Variants in AKAP9 observed in about 807,000 individuals in gnomAD.
The protein encoded by AKAP9 is A-kinase anchor protein 9.
In AKAP9, 311 loss-of-function variants were observed where a neutral mutation model predicts 488.5. The ratio of observed to expected loss-of-function variants is 0.64; its 90% confidence interval spans 0.58 to 0.70. The LOEUF is 0.70. Among genes scored for constraint, AKAP9 ranks in the 30% least tolerant of loss-of-function variants. The pLI is 0.00. For synonymous variants in AKAP9, 1,462 were observed against 1,483.5 expected (o/e 0.99, Z 0.33); for missense variants, 4,215 against 4,374.5 (o/e 0.96, Z 1.03).
At chr7:91,979,500 C>T (rs1256127755) in intron 2 of AKAP9, among the ~76,000 whole-genome samples, 1 of 152,160 alleles carries the variant, frequency 6.6e-6, no homozygotes. Flanking sequence ...GATGGGGGAA[C>T]TCAGCCAAAC....
intron 20 of AKAP9, chr7:92,043,331 A>ATCAGTATGGAACGCAG: frequency 1.0e-6 from 1 of 985,122 alleles, no homozygotes; most frequent in African/African-American, 1.7e-5. Flanking sequence ...CCATTGGATC[A>ATCAGTATGGAACGCAG]TCAGTATGGA....
chr7:91,962,477 G>C (rs1302569466), intron 1 of AKAP9, among the ~76,000 whole-genome samples: 2 of 152,036 alleles, frequency 1.3e-5, no homozygotes, highest in African/African-American at 4.8e-5. Flanking sequence ...AACTGTTTTG[G>C]TTCTCAAGTC....
rs1562959842 is a variant in AKAP9 at position 92,001,779 on chromosome 7, A to C, written c.1862A>C (p.Glu621Ala). 1 of 1,613,544 alleles carries C rather than the reference A, an allele frequency of 6.2e-7. No homozygotes were observed. Among genetic ancestry groups the C allele is most frequent in the Non-Finnish European group, 8.5e-7 (1 of 1,179,772 alleles). The change falls in exon 8 of 50, where the codon GAA becomes GCA. Residue 621 changes from glutamate (E) to alanine (A), a missense_variant. Glu to Ala is a moderately radical substitution (Grantham distance 107, BLOSUM62 -1). Transcript: ENST00000356239. The part of the protein sequence containing the change: ...LDRMAESQEA[E>A]LERLRTQLLF... ...AGAATGGCTGAATCACAAGAAGCTG[A>C]ATTAGAGAGGCTGAGAACACAGCTT...
At chr7:92,081,983 T>G (rs1029691906) in intron 31 of AKAP9, among the ~76,000 whole-genome samples, 1 of 152,216 alleles carries the variant, frequency 6.6e-6, no homozygotes, top group African/African-American at 2.4e-5. Context: ...CTTTTTTTCC[T>G]GGACACAGAG....
chr7:92,007,145 C>T (rs1162838030), intron 8 of AKAP9, among the ~76,000 whole-genome samples: 2 of 152,122 alleles, frequency 1.3e-5, no homozygotes, highest in Non-Finnish European at 1.5e-5. Context: ...TAGCTTTTGT[C>T]ACTTGCTTTT....
intron 37 of AKAP9, 85 bp downstream of exon 37, chr7:92,086,501 G>A: frequency 8.6e-7 from 1 of 1,157,574 alleles, no homozygotes; most frequent in Non-Finnish European, 1.3e-6. Context: ...AAGTATGAAG[G>A]TTAAGATTTT....
At chr7:92,080,850 A>G (rs1013124919) in intron 31 of AKAP9, among the ~76,000 whole-genome samples, 3 of 152,134 alleles carry the variant, frequency 2.0e-5, no homozygotes, top group Non-Finnish European at 4.4e-5. Context: ...TCATTAGCTA[A>G]GAGTTGGCTG....
chr7:92,055,971 T>G (rs1283838002), intron 22 of AKAP9, among the ~76,000 whole-genome samples: 4 of 152,124 alleles, frequency 2.6e-5, no homozygotes, highest in Middle Eastern at 3.4e-3. Context: ...GATTTTTGTT[T>G]TACATGGATG....
intron 12 of AKAP9, among the ~76,000 whole-genome samples, chr7:92,019,651 A>G (rs1441375100): frequency 6.6e-6 from 1 of 150,564 alleles, no homozygotes; most frequent in East Asian, 1.9e-4. Flanking sequence ...ATATATATAT[A>G]TAATATATAC....
At chr7:91,993,659 T>G (rs1242248400) in intron 5 of AKAP9, among the ~76,000 whole-genome samples, 1 of 152,216 alleles carries the variant, frequency 6.6e-6, no homozygotes, top group South Asian at 2.1e-4. Flanking sequence ...ATACATTGCA[T>G]AAACAACCCT....
chr7:91,964,611 AG>A (rs1345822300), intron 1 of AKAP9, among the ~76,000 whole-genome samples: 2 of 152,158 alleles, frequency 1.3e-5, no homozygotes, highest in African/African-American at 4.8e-5. Flanking sequence ...ATAAAAAAAT[AG>A]AAAGAGAAAA....
At chr7:92,061,130 T>C in intron 22 of AKAP9, 130 bp from the exon 23 acceptor site, 1 of 1,063,204 alleles carries the variant, frequency 9.4e-7, no homozygotes, top group East Asian at 2.7e-5. Context: ...ACACTGGCAA[T>C]ATCTAAATGA....
chr7:91,960,005 T>C (rs1465642162), intron 1 of AKAP9, among the ~76,000 whole-genome samples: 1 of 152,252 alleles, frequency 6.6e-6, no homozygotes, highest in Non-Finnish European at 1.5e-5. Flanking sequence ...CTAGTTAGGC[T>C]ACTGGAGTTT....
intron 12 of AKAP9, among the ~76,000 whole-genome samples, chr7:92,019,814 C>T (rs1802068895): frequency 6.6e-6 from 1 of 151,780 alleles, no homozygotes; most frequent in South Asian, 2.1e-4. Context: ...TGGAGACCAG[C>T]CTGGCCAACA....
intron 42 of AKAP9, 51 bp from the exon 43 acceptor site, chr7:92,098,058 A>G: frequency 4.0e-6 from 5 of 1,240,232 alleles, no homozygotes; most frequent in Non-Finnish European, 5.9e-6. Context: ...TGTGGTAGTA[A>G]ACACCCCCAA....
At chr7:92,091,020 C>T (rs1815461674) in intron 38 of AKAP9, among the ~76,000 whole-genome samples, 1 of 152,076 alleles carries the variant, frequency 6.6e-6, no homozygotes, top group Non-Finnish European at 1.5e-5. Context: ...TTCTCTAGTT[C>T]CTGAAGGGTT....
chr7:92,022,370 AC>A lies in AKAP9; in HGVS notation c.3952+20del, dbSNP rs1369473454. The stretch of plus-strand genomic sequence containing the variant: ...AGACATTGGTAAATTTTGATCATAT[AC>A]CACAATGTGGTGTTTTTATAGCAAA... On this transcript the variant is annotated intron_variant, in intron 13 of 49. Transcript: ENST00000356239. 1 of 1,508,246 alleles carries A rather than the reference AC, an allele frequency of 6.6e-7. No individual in the cohort carries two copies. The highest frequency in any genetic ancestry group is 1.1e-5 in the South Asian group (1 of 88,866). The allele number at this position is 1,508,246 out of a possible 1,614,324, so 93.4% of individuals were successfully genotyped here.
intron 16 of AKAP9, among the ~76,000 whole-genome samples, chr7:92,034,500 T>TATATATATATA (rs374127163): frequency 2.2e-5 from 2 of 89,630 alleles, no homozygotes; most frequent in Admixed American, 1.2e-4. Flanking sequence ...ATATATATAT[T>TATATATATATA]TTTTTTTTTT....
In AKAP9 at chr7:92,029,997, A is replaced by G; in HGVS notation, c.4245+6A>G. On this transcript the variant is annotated splice_donor_region_variant and intron_variant, in intron 15 of 49. Coordinates refer to ENST00000356239, the MANE Select transcript of AKAP9 (RefSeq NM_005751.5). ...ATATTGATGGTACAATAGAGGTATT[A>G]TATTTTTAATTTTTATCTTTTAACT... 1.3e-6 allele frequency: 2 copies of G among 1,573,968 alleles called. No individual in the cohort carries two copies. The highest frequency in any genetic ancestry group is 1.7e-6 in the Non-Finnish European group (2 of 1,146,274).
Sources: gnomAD v4.1 joint callset for allele counts (sites outside exome capture counted in the v4.1 genomes callset) on GRCh38, gnomAD v4.1.1 for gene constraint, MANE v1.5 for transcripts, NCBI Gene and HGNC (gene_info 2026-07-23, HGNC 2026-07-21) for gene names.